The following GABRA3 variants were observed in gnomAD, a reference collection of about 807,000 sequenced individuals.
The protein encoded by GABRA3 is gamma-aminobutyric acid receptor subunit alpha-3.
In GABRA3, 10 loss-of-function variants were observed where a neutral mutation model predicts 30.1. The observed-to-expected ratio is 0.33, with a 90% CI of 0.20 to 0.56. GABRA3 has a LOEUF of 0.56. Among genes scored for constraint, GABRA3 ranks in the 20% least tolerant of loss-of-function variants. GABRA3 has a pLI of 0.89. For synonymous variants in GABRA3, 151 were observed against 146.8 expected (o/e 1.03, Z -0.21); for missense variants, 233 against 392.0 (o/e 0.59, Z 3.42).
intron 1 of GABRA3, among the ~76,000 whole-genome samples, chrX:152,378,196 C>T (rs771926026): frequency 2.8e-3 from 314 of 111,585 alleles, no homozygotes; most frequent in Non-Finnish European, 3.9e-3. Flanking sequence ...AGACATTGGT[C>T]GGTATACAGA....
At chrX:152,429,252 T>C (rs1029022068) in intron 1 of GABRA3, among the ~76,000 whole-genome samples, 3 of 110,268 alleles carry the variant, frequency 2.7e-5, no homozygotes, top group East Asian at 2.9e-4. Context: ...CTACCTCCAA[T>C]ATACCTCTCA....
chrX:152,288,337 G>A (rs1939334875), intron 3 of GABRA3, among the ~76,000 whole-genome samples: 1 of 112,169 alleles, frequency 8.9e-6, no homozygotes, highest in African/African-American at 3.2e-5. Flanking sequence ...TTAAAAGCAT[G>A]ACTAAGTTTG....
intron 5 of GABRA3, among the ~76,000 whole-genome samples, chrX:152,247,278 T>C (rs894781112): frequency 1.8e-5 from 2 of 111,835 alleles, no homozygotes; most frequent in East Asian, 5.6e-4. Flanking sequence ...TATTACTGTG[T>C]AACGTAACCC....
At chrX:152,376,214 A>G (rs1928992764) in intron 1 of GABRA3, among the ~76,000 whole-genome samples, 1 of 111,442 alleles carries the variant, frequency 9.0e-6, no homozygotes, top group African/African-American at 3.3e-5. Context: ...CACAGTTTCC[A>G]TGGTACTTTG....
chrX:152,374,112 A>T (rs559862454), intron 1 of GABRA3, among the ~76,000 whole-genome samples: 1 of 110,217 alleles, frequency 9.1e-6, no homozygotes, highest in Middle Eastern at 4.8e-3. Context: ...TCTTGTGAGG[A>T]GTGTCTGTTC....
chrX:152,291,174 G>C (rs1391165817), intron 3 of GABRA3, among the ~76,000 whole-genome samples: 1 of 111,430 alleles, frequency 9.0e-6, no homozygotes, highest in Non-Finnish European at 1.9e-5. Context: ...ATTTGTTTGT[G>C]TCCTCTTTTA....
intron 4 of GABRA3, among the ~76,000 whole-genome samples, chrX:152,259,771 G>A (rs1014188259): frequency 5.4e-5 from 6 of 111,357 alleles, no homozygotes; most frequent in Non-Finnish European, 1.1e-4. Context: ...ATTAGGCTCT[G>A]AGATTTGCTA....
intron 3 of GABRA3, among the ~76,000 whole-genome samples, chrX:152,307,293 G>T (rs1939733716): frequency 8.9e-6 from 1 of 111,838 alleles, no homozygotes; most frequent in African/African-American, 3.2e-5. Context: ...ATTGTAAAGT[G>T]CTATCTAAAT....
chrX:152,338,651 T>G (rs1335371333), intron 3 of GABRA3, among the ~76,000 whole-genome samples: 3 of 112,081 alleles, frequency 2.7e-5, no homozygotes, highest in Non-Finnish European at 5.6e-5. Context: ...CTTCCAACAG[T>G]TTTATAGTTC....
chrX:152,295,209 G>T (rs1410736856), intron 3 of GABRA3, among the ~76,000 whole-genome samples: 1 of 112,348 alleles, frequency 8.9e-6, no homozygotes, highest in Non-Finnish European at 1.9e-5. Flanking sequence ...ACTGTGCTGG[G>T]AGAACCACTG....
In GABRA3 at chrX:152,200,847, G is replaced by A. The variant is rs144971532; in HGVS notation, c.779-3062C>T. On this transcript the variant is annotated intron_variant, in intron 7 of 9. Transcript: ENST00000370314. ...TGTTTTGAATAACTGACTCAAAATG[G>A]TTGAACACATTGATTTTCCTCAATC... Among the ~76,000 whole-genome samples the A allele has an allele frequency of 8.4e-4, 94 of 112,326 alleles. 1 individual carries two copies. The East Asian group carries it at 0.025, about 30-fold the overall frequency.
intron 1 of GABRA3, among the ~76,000 whole-genome samples, chrX:152,373,132 T>C (rs761451435): frequency 8.9e-6 from 1 of 112,145 alleles, no homozygotes; most frequent in Non-Finnish European, 1.9e-5. Flanking sequence ...CTATTTTTTC[T>C]TCAACTTTTA....
At chrX:152,360,593 T>C (rs1178431365) in intron 2 of GABRA3, among the ~76,000 whole-genome samples, 5 of 76,877 alleles carry the variant, frequency 6.5e-5, no homozygotes, top group Non-Finnish European at 1.2e-4. Flanking sequence ...ATATACCTAA[T>C]GCTAGATGAC....
chrX:152,366,826 G>A (rs1439164528), intron 1 of GABRA3, among the ~76,000 whole-genome samples: 1 of 111,466 alleles, frequency 9.0e-6, no homozygotes, highest in Non-Finnish European at 1.9e-5. Context: ...TAGGAATTAA[G>A]TGAAATGGTT....
At chrX:152,386,721 T>C (rs751152664) in intron 1 of GABRA3, among the ~76,000 whole-genome samples, 154 of 110,118 alleles carry the variant, frequency 1.4e-3, no homozygotes, top group African/African-American at 4.8e-3. Flanking sequence ...AGTTCAACCA[T>C]TGTGGAAGTC....
At chrX:152,390,144 C>A (rs1430044647) in intron 1 of GABRA3, among the ~76,000 whole-genome samples, 1 of 111,579 alleles carries the variant, frequency 9.0e-6, no homozygotes, top group Non-Finnish European at 1.9e-5. Flanking sequence ...AACTTCTTTG[C>A]CTTTGGTTTG....
intron 1 of GABRA3, among the ~76,000 whole-genome samples, chrX:152,380,815 G>C (rs189627654): frequency 4.5e-5 from 5 of 111,689 alleles, no homozygotes; most frequent in Non-Finnish European, 9.4e-5. Context: ...TCATTGCTAT[G>C]TTATGAATAT....
chrX:152,321,434 C>T (rs1425893378), intron 3 of GABRA3, among the ~76,000 whole-genome samples: 1 of 111,312 alleles, frequency 9.0e-6, no homozygotes. Flanking sequence ...TGCACAAAAT[C>T]GAATTTAGTG....
chrX:152,187,636 A>T (rs1937272933), intron 9 of GABRA3, among the ~76,000 whole-genome samples: 1 of 111,721 alleles, frequency 9.0e-6, no homozygotes, highest in African/African-American at 3.3e-5. Context: ...CAGAAGTAGA[A>T]TCACAACTAC....
Sources: allele counts gnomAD v4.1 joint callset (sites outside exome capture counted in the v4.1 genomes callset), GRCh38; gene constraint gnomAD v4.1.1; transcripts MANE v1.5; gene names NCBI Gene and HGNC (gene_info 2026-07-23, HGNC 2026-07-21).